The following AKR1C8 variants were observed in gnomAD, a reference collection of about 807,000 sequenced individuals.
AKR1C8 encodes aldo-keto reductase family 1 member C-like protein 1.
chr10:5,175,035 G>A, the AKR1C8 span, among the ~76,000 whole-genome samples: 13 of 152,064 alleles, frequency 8.5e-5, no homozygotes, highest in African/African-American at 3.1e-4. Flanking sequence ...TGTTACATAT[G>A]TATACATGTG....
chr10:5,177,229 A>C, the AKR1C8 span, among the ~76,000 whole-genome samples: 1 of 151,922 alleles, frequency 6.6e-6, no homozygotes, highest in South Asian at 2.1e-4. Flanking sequence ...GCATCTATTG[A>C]GATAATCATG....
the AKR1C8 span, chr10:5,123,652 A>C: frequency 6.8e-7 from 1 of 1,461,226 alleles, no homozygotes; most frequent in Non-Finnish European, 9.4e-7. Context: ...AGAGTACCAT[A>C]TAATTAAAAT....
At chr10:5,120,220 T>C in the AKR1C8 span, among the ~76,000 whole-genome samples, 1 of 152,196 alleles carries the variant, frequency 6.6e-6, no homozygotes, top group Non-Finnish European at 1.5e-5. Context: ...TTTTAGTTAA[T>C]CTATAATCTA....
chr10:5,154,183 C>T, the AKR1C8 span: 1 of 470,416 alleles, frequency 2.1e-6, no homozygotes, highest in East Asian at 6.9e-5. Flanking sequence ...ATTAGCAGCA[C>T]TGAAAGAGAA....
At chr10:5,120,399 C>T in the AKR1C8 span, among the ~76,000 whole-genome samples, 1 of 152,188 alleles carries the variant, frequency 6.6e-6, no homozygotes, top group African/African-American at 2.4e-5. Flanking sequence ...CACGATCAAG[C>T]TGGTCTCAGC....
chr10:5,159,921 T>A, the AKR1C8 span: 1 of 521,134 alleles, frequency 1.9e-6, no homozygotes. Context: ...CCTGGCTTGT[T>A]GAGGATGAGT....
chr10:5,142,318 T>TAG, the AKR1C8 span, among the ~76,000 whole-genome samples: 1 of 152,106 alleles, frequency 6.6e-6, no homozygotes, highest in African/African-American at 2.4e-5. Context: ...TTCTTATCAG[T>TAG]AGTAAAGCTT....
At chr10:5,130,553 G>T in the AKR1C8 span, among the ~76,000 whole-genome samples, 1 of 151,876 alleles carries the variant, frequency 6.6e-6, no homozygotes, top group South Asian at 2.1e-4. Flanking sequence ...AAGTCTCCTA[G>T]ATTTGATAAA....
At chr10:5,160,674 T>A in the AKR1C8 span, 5 of 375,496 alleles carry the variant, frequency 1.3e-5, no homozygotes, top group Admixed American at 3.7e-5. Flanking sequence ...ACTTCACAGA[T>A]GAGAACACAG....
chr10:5,151,086 C>T, the AKR1C8 span, among the ~76,000 whole-genome samples: 1 of 152,068 alleles, frequency 6.6e-6, no homozygotes, highest in Admixed American at 6.6e-5. Flanking sequence ...TGTCCTCTTG[C>T]ACTGAGTCAG....
At chr10:5,133,380 A>T in the AKR1C8 span, among the ~76,000 whole-genome samples, 4 of 152,318 alleles carry the variant, frequency 2.6e-5, no homozygotes, top group Middle Eastern at 3.4e-3. Flanking sequence ...GGCGTGAGCC[A>T]CTGCAGGAAG....
chr10:5,173,010 C>A, the AKR1C8 span, among the ~76,000 whole-genome samples: 2 of 152,022 alleles, frequency 1.3e-5, no homozygotes, highest in Non-Finnish European at 2.9e-5. Flanking sequence ...AAGACAAAGG[C>A]AGATTTTGAG....
chr10:5,126,193 G>C, the AKR1C8 span, among the ~76,000 whole-genome samples: 2 of 152,076 alleles, frequency 1.3e-5, no homozygotes, highest in Non-Finnish European at 2.9e-5. Context: ...TGCAGACATA[G>C]CTAGGGCTTC....
the AKR1C8 span, chr10:5,160,840 T>A: frequency 4.9e-5 from 23 of 471,132 alleles, no homozygotes; most frequent in South Asian, 3.6e-4. Flanking sequence ...CTCCACAGTT[T>A]CTAAAATAAT....
At chr10:5,169,747 C>T in the AKR1C8 span, among the ~76,000 whole-genome samples, 16 of 151,424 alleles carry the variant, frequency 1.1e-4, no homozygotes, top group Admixed American at 1.3e-4. Context: ...GCATTTCTCA[C>T]GAGGGTAGCA....
the AKR1C8 span, among the ~76,000 whole-genome samples, chr10:5,145,302 T>C: frequency 6.6e-6 from 1 of 152,052 alleles, no homozygotes; most frequent in Non-Finnish European, 1.5e-5. Context: ...ACTTCATGTC[T>C]AAAACACCAA....
At chr10:5,172,867 CCAG>C in the AKR1C8 span, among the ~76,000 whole-genome samples, 7 of 151,966 alleles carry the variant, frequency 4.6e-5, no homozygotes, top group African/African-American at 1.4e-4. Context: ...AGACAGACAA[CCAG>C]AAGAAGATCT....
At chr10:5,122,660 T>A in the AKR1C8 span, among the ~76,000 whole-genome samples, 1 of 152,114 alleles carries the variant, frequency 6.6e-6, no homozygotes, top group Non-Finnish European at 1.5e-5. Context: ...GAGCATAACA[T>A]CTATGTGTCT....
chr10:5,130,456 C>T, the AKR1C8 span, among the ~76,000 whole-genome samples: 1 of 151,814 alleles, frequency 6.6e-6, no homozygotes, highest in Admixed American at 6.6e-5. Flanking sequence ...TAAGAAAGGG[C>T]ATTGAAATTT....
Sources: allele counts gnomAD v4.1 joint callset (sites outside exome capture counted in the v4.1 genomes callset), GRCh38; gene constraint gnomAD v4.1.1; transcripts MANE v1.5; gene names NCBI Gene and HGNC (gene_info 2026-07-23, HGNC 2026-07-21).